The following CCDC126 variants were observed in gnomAD, a reference collection of about 807,000 sequenced individuals.
CCDC126 encodes the protein coiled-coil domain-containing protein 126.
In CCDC126, 5 loss-of-function variants were observed where a neutral mutation model predicts 11.7. The observed-to-expected ratio is 0.43, with a 90% confidence interval of 0.22 to 0.90. CCDC126 has a LOEUF of 0.90. CCDC126 is among the 40% of genes least tolerant of loss of function. The pLI is 0.27. For synonymous variants in CCDC126, 60 were observed against 61.9 expected (o/e 0.97, Z 0.14); for missense variants, 150 against 163.1 (o/e 0.92, Z 0.44).
rs1396731456 is a variant in CCDC126, at chr7:23,644,429, A to C, written c.*1314A>C. On this transcript the variant is annotated 3_prime_UTR_variant, in exon 4 of 4. Coordinates refer to ENST00000307471, the MANE Select transcript of CCDC126 (RefSeq NM_138771.4). ...AGCTTCTAGATTTAGACTATATAGA[A>C]TTTAGATATTGTATTGTTCGTCATT... 2 of 152,552 alleles carry C rather than the reference A, an allele frequency of 1.3e-5. No homozygotes were observed. Among genetic ancestry groups the C allele is most frequent in the East Asian group, 3.8e-4 (2 of 5,204 alleles). The allele number at this position is 152,552 out of a possible 1,614,324, so 9.4% of individuals were successfully genotyped here. A position where few individuals can be genotyped will look rare whatever the true frequency, so the allele number is the denominator to read the frequency against.
chr7:23,638,860 T>C (rs1297708023), intron 3 of CCDC126, among the ~76,000 whole-genome samples: 1 of 32,906 alleles, frequency 3.0e-5, no homozygotes, highest in Non-Finnish European at 5.5e-5. Flanking sequence ...AATAATAAAT[T>C]AACAAAAAAA....
intron 3 of CCDC126, chr7:23,622,952 G>T (rs2128018558): frequency 1.7e-5 from 3 of 181,444 alleles, no homozygotes; most frequent in Admixed American, 6.6e-5. Context: ...GCTGAGGATG[G>T]TTAAATATGC....
chr7:23,613,008 G>T (rs532134966), intron 3 of CCDC126, among the ~76,000 whole-genome samples: 2 of 152,170 alleles, frequency 1.3e-5, no homozygotes, highest in Admixed American at 6.5e-5. Flanking sequence ...TTTCAGTTTT[G>T]TTTGTTTAAT....
chr7:23,626,523 G>C (rs1373199851), intron 3 of CCDC126, among the ~76,000 whole-genome samples: 2 of 151,724 alleles, frequency 1.3e-5, no homozygotes, highest in African/African-American at 4.9e-5. Context: ...ATTTATTTTA[G>C]GTTTGGGGGT....
chr7:23,602,067 A>G (rs1186514033), intron 2 of CCDC126: 1 of 152,236 alleles, frequency 6.6e-6, no homozygotes, highest in East Asian at 1.9e-4. Flanking sequence ...AAACCACTGA[A>G]AAATGGCTTA....
At chr7:23,623,822 C>T (rs971431521) in intron 3 of CCDC126, among the ~76,000 whole-genome samples, 1 of 152,138 alleles carries the variant, frequency 6.6e-6, no homozygotes, top group African/African-American at 2.4e-5. Context: ...CAATTTATGA[C>T]ATCACTTCGT....
chr7:23,601,623 CATTA>C (rs1269467739), intron 2 of CCDC126, among the ~76,000 whole-genome samples: 1 of 152,120 alleles, frequency 6.6e-6, no homozygotes, highest in Non-Finnish European at 1.5e-5. Flanking sequence ...TTTGAGTAGT[CATTA>C]ATTCTCTTTG....
At chr7:23,637,868 G>A (rs1783266170) in intron 3 of CCDC126, among the ~76,000 whole-genome samples, 2 of 118,878 alleles carry the variant, frequency 1.7e-5, no homozygotes, top group Non-Finnish European at 3.7e-5. Flanking sequence ...CCGGCCGGCC[G>A]CCCCGTCCGG....
At chr7:23,623,593 CAAA>C (rs35474549) in intron 3 of CCDC126, among the ~76,000 whole-genome samples, 21 of 107,836 alleles carry the variant, frequency 1.9e-4, no homozygotes, top group Admixed American at 4.6e-4. Flanking sequence ...GAGACTGTCT[CAAA>C]AAAAAAAAAA....
intron 3 of CCDC126, among the ~76,000 whole-genome samples, chr7:23,637,759 C>A (rs1279996845): frequency 1.2e-4 from 9 of 74,248 alleles, no homozygotes; most frequent in East Asian, 4.7e-4. Context: ...GTGAGGGGCG[C>A]CTCTGCCCGG....
chr7:23,630,680 C>T (rs559839285), intron 3 of CCDC126, among the ~76,000 whole-genome samples: 22 of 124,292 alleles, frequency 1.8e-4, no homozygotes, highest in African/African-American at 6.8e-4. Flanking sequence ...GAGCATGCTG[C>T]TGCACTCTAG....
intron 2 of CCDC126, among the ~76,000 whole-genome samples, chr7:23,604,569 T>C (rs892205677): frequency 6.6e-6 from 1 of 152,186 alleles, no homozygotes; most frequent in Non-Finnish European, 1.5e-5. Context: ...TTAATATTTA[T>C]TGAGTAGTAT....
At position 23,607,556 on chromosome 7, in the gene CCDC126, C is replaced by T. The variant is rs570938120; in HGVS notation, c.-145-3615C>T. Among the ~76,000 whole-genome samples, 10 of 152,076 alleles carry T rather than the reference C, an allele frequency of 6.6e-5. No individual in the cohort carries two copies. The South Asian group carries it at 1.2e-3, about 19-fold the overall frequency. On this transcript the variant is annotated intron_variant, in intron 2 of 3. Coordinates refer to ENST00000307471, the MANE Select transcript of CCDC126 (RefSeq NM_138771.4). The stretch of plus-strand genomic sequence containing the variant: ...TAAATTAAAAGTACATAAGTAAATA[C>T]CTTCAGTTGCTAAAGAAGTCAAAAC...
intron 3 of CCDC126, among the ~76,000 whole-genome samples, chr7:23,612,227 TG>T: frequency 7.1e-6 from 1 of 141,612 alleles, no homozygotes; most frequent in Non-Finnish European, 1.5e-5. Flanking sequence ...GGGGCCAAGG[TG>T]GGAAGATTGC....
chr7:23,598,614 A>C (rs1208906501), intron 2 of CCDC126: 1 of 152,178 alleles, frequency 6.6e-6, no homozygotes, highest in East Asian at 1.9e-4. Flanking sequence ...GCATCCAGGT[A>C]TTTTACAGTC....
chr7:23,608,809 A>G (rs1226767445), intron 2 of CCDC126, among the ~76,000 whole-genome samples: 1 of 152,224 alleles, frequency 6.6e-6, no homozygotes, highest in African/African-American at 2.4e-5. Flanking sequence ...AGCCAGCTGT[A>G]TGGGAAACCA....
chr7:23,612,333 C>T (rs1782726799), intron 3 of CCDC126, among the ~76,000 whole-genome samples: 1 of 151,080 alleles, frequency 6.6e-6, no homozygotes, highest in Non-Finnish European at 1.5e-5. Flanking sequence ...GGCGTGGTGG[C>T]AGGTGCCTGT....
intron 2 of CCDC126, 40 bp from the exon 3 acceptor site, chr7:23,611,131 C>CA (rs1782704012): frequency 2.0e-6 from 1 of 507,748 alleles, no homozygotes; most frequent in Non-Finnish European, 3.5e-6. Context: ...GTTACTGATA[C>CA]AGATTAAGAC....
chr7:23,615,229 A>G (rs1335807482), intron 3 of CCDC126, among the ~76,000 whole-genome samples: 1 of 152,190 alleles, frequency 6.6e-6, no homozygotes, highest in Non-Finnish European at 1.5e-5. Context: ...TTGCACTTGA[A>G]TCTTATGGAA....
Sources: allele counts gnomAD v4.1 joint callset (sites outside exome capture counted in the v4.1 genomes callset), GRCh38; gene constraint gnomAD v4.1.1; transcripts MANE v1.5; gene names NCBI Gene and HGNC (gene_info 2026-07-23, HGNC 2026-07-21).